Variants in DMTN observed in about 807,000 individuals in gnomAD.
DMTN encodes the protein dematin actin binding protein, also known as dematin.
Under a neutral mutation model 59.4 loss-of-function variants are expected in DMTN, and 27 were observed. The observed-to-expected ratio is 0.45, with a 90% CI of 0.33 to 0.63. DMTN has a LOEUF of 0.63. Ranked by LOEUF, DMTN falls within the 20% of genes least tolerant of loss-of-function variation. The pLI is 0.02. For missense variants in DMTN, 451 were observed against 528.9 expected, an observed-to-expected ratio of 0.85 and a Z score of 1.45; for synonymous variants, 221 against 203.7, an observed-to-expected ratio of 1.08 and a Z score of -0.72.
At chr8:22,071,613 T>A (rs537006851) in intron 8 of DMTN, among the ~76,000 whole-genome samples, 6 of 152,234 alleles carry the variant, frequency 3.9e-5, no homozygotes, top group African/African-American at 1.4e-4. Flanking sequence ...AGAGTCTCGC[T>A]CTGTCACCCA....
intron 1 of DMTN, among the ~76,000 whole-genome samples, chr8:22,062,409 G>A (rs914436507): frequency 1.3e-5 from 2 of 151,954 alleles, no homozygotes; most frequent in Admixed American, 6.6e-5. Context: ...CTTTGTTTCC[G>A]GGGAGCCTTT....
Position 22,081,930 on chromosome 8 carries a change from C to G in DMTN, c.*467C>G. ...AGCTTTCCTGCACTGCAGCCTCCTG[C>G]TCCTCTGACTCTAGTGGGAACAGGC... On this transcript the variant is annotated 3_prime_UTR_variant, in exon 16 of 16. Transcript: ENST00000358242. The G allele has an allele frequency of 2.2e-6, 1 of 456,352 alleles. No homozygotes were observed. Among genetic ancestry groups the G allele is most frequent in the Non-Finnish European group, 4.4e-6 (1 of 227,042 alleles). 28.3% of individuals were successfully genotyped at this position (456,352 alleles called of 1,614,324 possible).
chr8:22,066,767 C>T lies in DMTN; in HGVS notation c.-109C>T, dbSNP rs1276020579. The T allele has an allele frequency of 1.6e-6, 2 of 1,255,548 alleles. No individual in the cohort carries two copies. Among genetic ancestry groups the T allele is most frequent in the Admixed American group, 3.5e-5 (1 of 28,786 alleles). 77.8% of individuals were successfully genotyped at this position (1,255,548 alleles called of 1,614,324 possible). A position where few individuals can be genotyped will look rare whatever the true frequency, so the allele number is the denominator to read the frequency against. ...CCCGGGGGAACGCGCCAGCTGCTTT[C>T]GCGGCCCCAAGCGCGCAGCGCCCAG... On this transcript the variant is annotated 5_prime_UTR_variant, in exon 2 of 16. Transcript: ENST00000358242.
chr8:22,079,268 A>AT (rs1491315075), intron 10 of DMTN, among the ~76,000 whole-genome samples: 624 of 44,660 alleles, frequency 0.014, 14 homozygotes, highest in African/African-American at 0.054. Context: ...ATAAATAAAT[A>AT]AATAAATAAA....
At chr8:22,057,589 G>A (rs1451547151) in intron 1 of DMTN, among the ~76,000 whole-genome samples, 1 of 152,178 alleles carries the variant, frequency 6.6e-6, no homozygotes, top group African/African-American at 2.4e-5. Context: ...CTGCTTTTTA[G>A]GGGGAGTGGG....
At chr8:22,063,050 G>A (rs1023583843) in intron 1 of DMTN, among the ~76,000 whole-genome samples, 2 of 152,062 alleles carry the variant, frequency 1.3e-5, no homozygotes, top group African/African-American at 2.4e-5. Context: ...CTAGGCAAAT[G>A]GCACCCACAT....
At chr8:22,051,607 A>G (rs1399638980), upstream of DMTN, among the ~76,000 whole-genome samples, 2 of 151,556 alleles carry the variant, frequency 1.3e-5, no homozygotes, top group African/African-American at 2.4e-5. Context: ...CTCACAGAGG[A>G]CCCTCACCCA....
At chr8:22,061,749 ATTT>A (rs1175743497) in intron 1 of DMTN, among the ~76,000 whole-genome samples, 1,304 of 119,672 alleles carry the variant, frequency 0.011, 5 homozygotes, top group Non-Finnish European at 0.013. Flanking sequence ...CTTAATTCTC[ATTT>A]TTTTTTTTTT....
chr8:22,063,889 G>A (rs1808403410), intron 1 of DMTN, among the ~76,000 whole-genome samples: 1 of 152,188 alleles, frequency 6.6e-6, no homozygotes, highest in Non-Finnish European at 1.5e-5. Flanking sequence ...ATTTCTGGAG[G>A]AGCAGCTTAG....
In DMTN at chr8:22,070,341, G is replaced by C. The variant is rs1277568307; in HGVS notation, c.604+7G>C. The C allele has an allele frequency of 1.3e-6, 2 of 1,588,938 alleles. No homozygotes were observed. The highest frequency in any genetic ancestry group is 1.8e-5 in the Admixed American group (1 of 54,798). On this transcript the variant is annotated splice_region_variant and intron_variant, in intron 8 of 15. Coordinates refer to ENST00000358242, the MANE Select transcript of DMTN (RefSeq NM_001387751.1). The stretch of plus-strand genomic sequence containing the variant: ...CCGTCTCTGGCTGTTGTGGGTAGGA[G>C]AGATGGGGAGAGTGGAATGGGTGGT...
At chr8:22,081,056 G>A in intron 14 of DMTN, 57 bp from the exon 15 acceptor site, 1 of 1,569,918 alleles carries the variant, frequency 6.4e-7, no homozygotes, top group Middle Eastern at 1.7e-4. Context: ...GGAGGCCTAG[G>A]GAGTCGAAGG....
chr8:22,058,187 G>A lies in DMTN; in HGVS notation c.-172+1051G>A, dbSNP rs1484736082. ...GGTTTCAGCGCGGGCGCTTCTGCCT[G>A]TGCCCACCTGTCCATCTTGTGTCCG... On this transcript the variant is annotated intron_variant, in intron 1 of 15. Transcript: ENST00000358242. This position sits in a 1 kb window ranked among gnomAD's most constrained non-coding sequence, Gnocchi z 4.3. Among the ~76,000 whole-genome samples, 4 of 152,274 alleles carry A rather than the reference G, an allele frequency of 2.6e-5. No individual in the cohort carries two copies. The highest frequency in any genetic ancestry group is 9.6e-5 in the African/African-American group (4 of 41,564).
Position 22,082,393 on chromosome 8 carries a change from AATG to A in DMTN, c.*933_*935del, listed in dbSNP as rs1215509306. 2.7e-6 allele frequency: 1 copy of A among 364,744 alleles called. No homozygotes were observed. The highest frequency in any genetic ancestry group is 3.5e-5 in the Admixed American group (1 of 28,184). The allele number at this position is 364,744 out of a possible 1,614,324, so 22.6% of individuals were successfully genotyped here. ...TTCTTTCCAGTCCACGTGTGTATATAATGATATCTATATTTTTGCCCAGGTCTG... is the reference window on the plus strand; with the variant it reads ...TTCTTTCCAGTCCACGTGTGTATATAATATCTATATTTTTGCCCAGGTCTG... On this transcript the variant is annotated 3_prime_UTR_variant, in exon 16 of 16. Coordinates refer to ENST00000358242, the MANE Select transcript of DMTN (RefSeq NM_001387751.1).
upstream of DMTN, among the ~76,000 whole-genome samples, chr8:22,051,236 G>A (rs900571610): frequency 6.6e-6 from 1 of 152,144 alleles, no homozygotes; most frequent in Non-Finnish European, 1.5e-5. Context: ...CAAGTCTCAC[G>A]CCAGTTTGGG....
rs1241785352 is a variant in DMTN at position 22,081,518 on chromosome 8, C to A, written c.*55C>A. The A allele has an allele frequency of 1.9e-6, 3 of 1,539,142 alleles. No homozygotes were observed. Among genetic ancestry groups the A allele is most frequent in the African/African-American group, 2.7e-5 (2 of 73,382 alleles). Reference sequence around the variant, plus strand: ...TTACCCCTGCTGCTTCAGGGTTTTTCCCCGGCGGGTTGGGAGGGGCAGGAG... The same window carrying A: ...TTACCCCTGCTGCTTCAGGGTTTTTACCCGGCGGGTTGGGAGGGGCAGGAG... On this transcript the variant is annotated 3_prime_UTR_variant, in exon 16 of 16. Transcript: ENST00000358242.
upstream of DMTN, among the ~76,000 whole-genome samples, chr8:22,051,086 C>T: frequency 6.6e-6 from 1 of 152,166 alleles, no homozygotes; most frequent in East Asian, 1.9e-4. Context: ...CTCTGAGCGC[C>T]TGGGTCTATG....
Position 22,073,735 on chromosome 8 carries a change from T to G in DMTN, c.735T>G (p.Thr245=), listed in dbSNP as rs1817648061. Reference sequence around the variant, plus strand: ...CTTCCTTTCTCCCTCCTCAGGTTACTTCCAACTTGGGAAAGATGATCTTGA... The same window carrying G: ...CTTCCTTTCTCCCTCCTCAGGTTACGTCCAACTTGGGAAAGATGATCTTGA... The part of the protein sequence containing the change: ...ERQREELSKV[T]SNLGKMILKE... Residue 245 remains threonine (T), a synonymous_variant, in exon 10 of 16, where the codon ACT becomes ACG. Transcript: ENST00000358242. The G allele has an allele frequency of 1.2e-6, 2 of 1,613,020 alleles. No individual in the cohort carries two copies.
chr8:22,053,242 G>T (rs954333684), upstream of DMTN, among the ~76,000 whole-genome samples: 2 of 152,144 alleles, frequency 1.3e-5, no homozygotes, highest in African/African-American at 4.8e-5. Context: ...CTGTGGCAGG[G>T]AGGAGATGGT....
At chr8:22,052,624 T>C (rs1389612553), upstream of DMTN, among the ~76,000 whole-genome samples, 1 of 152,218 alleles carries the variant, frequency 6.6e-6, no homozygotes, top group Non-Finnish European at 1.5e-5. Context: ...CAATTATTTG[T>C]TCTTTGGTGG....
Sources: allele counts gnomAD v4.1 joint callset (sites outside exome capture counted in the v4.1 genomes callset), GRCh38; gene constraint gnomAD v4.1.1; non-coding constraint Gnocchi (gnomAD v3.1); transcripts MANE v1.5; gene names NCBI Gene and HGNC (gene_info 2026-07-23, HGNC 2026-07-21).